Variants in PVALEF observed in about 807,000 individuals in gnomAD.
PVALEF encodes parvalbumin-like EF-hand-containing protein.
In PVALEF, 2 loss-of-function variants were observed where a neutral mutation model predicts 1.2. The observed-to-expected ratio is 1.68, with a 90% confidence interval of 0.69 to 5.28. The LOEUF is 5.28. Ranked by LOEUF, PVALEF falls within the 30% of genes most tolerant of loss-of-function variation. The pLI is 0.06. For missense variants in PVALEF, 35 were observed against 17.7 expected, an observed-to-expected ratio of 1.97 and a Z score of -1.75; for synonymous variants, 16 against 6.5, an observed-to-expected ratio of 2.47 and a Z score of -2.24.
chr17:81,179,860 G>T (rs2061547771), intron 3 of PVALEF, among the ~76,000 whole-genome samples: 1 of 152,168 alleles, frequency 6.6e-6, no homozygotes, highest in Admixed American at 6.5e-5. Context: ...GAGGCTCCAG[G>T]ATCTCTAGCT....
In PVALEF at chr17:81,165,575, C is replaced by T. The variant is rs984475678; in HGVS notation, c.-680C>T. 1.3e-5 allele frequency: 16 copies of T among 1,263,262 alleles called. No individual in the cohort carries two copies. The African/African-American group carries it at 1.8e-4, about 14-fold the overall frequency. The allele number at this position is 1,263,262 out of a possible 1,614,324, so 78.3% of individuals were successfully genotyped here. On this transcript the variant is annotated 5_prime_UTR_variant, in exon 1 of 7. Coordinates refer to ENST00000637878, the MANE Select transcript of PVALEF (RefSeq NM_001354639.2). ...CGGACCCAGGAGAGGCCATGGAAAG[C>T]CTGAACCCCAGCTGGCTGACACCCC... is the stretch of plus-strand genomic sequence containing the variant.
In PVALEF at chr17:81,182,060, G is replaced by A. The variant is rs2061556309; in HGVS notation, c.337G>A (p.Asp113Asn). 2.5e-6 allele frequency: 1 copy of A among 398,652 alleles called. No individual in the cohort carries two copies. The highest frequency in any genetic ancestry group is 1.3e-4 in the South Asian group (1 of 7,868). 24.7% of individuals were successfully genotyped at this position (398,652 alleles called of 1,614,324 possible). Residue 113 changes from aspartate (D) to asparagine (N), a missense_variant, in exon 6 of 7, where the codon GAC becomes AAC. Transcript: ENST00000637878. Reference protein sequence around the residue: ...AMIQAADTHGDGRINYEEFSE... With the variant: ...AMIQAADTHGNGRINYEEFSE... ...GATCCAGGCGGCAGACACACACGGG[G>A]ACGGGAGGATCAACTACGAAGGTGG...
In PVALEF at chr17:81,179,171, G is replaced by C. The variant is rs747824832; in HGVS notation, c.-105+19G>C. The C allele has an allele frequency of 3.0e-4, 97 of 327,600 alleles. 1 individual carries two copies. Among genetic ancestry groups the C allele is most frequent in the South Asian group, 1.2e-3 (54 of 45,376 alleles). 20.3% of individuals were successfully genotyped at this position (327,600 alleles called of 1,614,324 possible). On this transcript the variant is annotated intron_variant, in intron 3 of 6. Transcript: ENST00000637878. Reference sequence around the variant, plus strand: ...GGCAGAGGTAAGCCCTGCCAAGGAGGGGGGTGTGGGTCTCTGGCCGCTGAG... The same window carrying C: ...GGCAGAGGTAAGCCCTGCCAAGGAGCGGGGTGTGGGTCTCTGGCCGCTGAG...
chr17:81,175,825 TAAAAG>T (rs944641813), intron 2 of PVALEF, among the ~76,000 whole-genome samples: 1 of 152,106 alleles, frequency 6.6e-6, no homozygotes, highest in African/African-American at 2.4e-5. Flanking sequence ...ATGAAACTCT[TAAAAG>T]AAAACAGAGC....
chr17:81,169,988 G>A (rs1267848490), intron 2 of PVALEF, among the ~76,000 whole-genome samples: 1 of 84,730 alleles, frequency 1.2e-5, no homozygotes, highest in Non-Finnish European at 2.8e-5. Flanking sequence ...GTGTGTGCAT[G>A]TGTGTGTGTT....
At position 81,181,256 on chromosome 17, in the gene PVALEF, G is replaced by A. The variant is rs1255805443; in HGVS notation, c.30G>A (p.Lys10=). The part of the protein sequence containing the change: MEEDFSSQM[K]KMALAMGTSL... ...AGGAGGACTTCTCCTCCCAGATGAA[G>A]AAGATGGCCTTGGCCATGGGCACGT... The change falls in exon 4 of 7, where the codon AAG becomes AAA. Residue 10 remains lysine (K), a synonymous_variant. Coordinates refer to ENST00000637878, the MANE Select transcript of PVALEF (RefSeq NM_001354639.2). 2.8e-6 allele frequency: 2 copies of A among 702,592 alleles called. No homozygotes were observed. The highest frequency in any genetic ancestry group is 1.7e-5 in the African/African-American group (1 of 57,256). 43.5% of individuals were successfully genotyped at this position (702,592 alleles called of 1,614,324 possible). A position where few individuals can be genotyped will look rare whatever the true frequency, so the allele number is the denominator to read the frequency against.
intron 1 of PVALEF, chr17:81,166,030 C>G (rs1313502085): frequency 1.4e-5 from 21 of 1,500,504 alleles, no homozygotes; most frequent in Non-Finnish European, 1.9e-5. Flanking sequence ...CGGGAGGGCG[C>G]TGCGCTCAGG....
intron 3 of PVALEF, among the ~76,000 whole-genome samples, chr17:81,180,211 A>C (rs2061549074): frequency 6.6e-6 from 1 of 152,302 alleles, no homozygotes; most frequent in South Asian, 2.1e-4. Context: ...CACCCCCAGC[A>C]CTGGGCAGAT....
chr17:81,174,186 ACAT>A (rs1233494968), intron 2 of PVALEF, among the ~76,000 whole-genome samples: 1 of 152,214 alleles, frequency 6.6e-6, no homozygotes, highest in Non-Finnish European at 1.5e-5. Context: ...CTCACAGCAA[ACAT>A]CATACTCAGT....
At chr17:81,166,121 G>A (rs996599185) in intron 1 of PVALEF, 4 of 415,270 alleles carry the variant, frequency 9.6e-6, no homozygotes, top group Non-Finnish European at 1.3e-5. Flanking sequence ...CGCGCCCCGC[G>A]CCCCCCGCCG....
intron 4 of PVALEF, 112 bp from the exon 5 acceptor site, chr17:81,181,447 C>G: frequency 3.9e-6 from 2 of 516,994 alleles, no homozygotes; most frequent in South Asian, 3.0e-5. Flanking sequence ...CTGCGGCGGG[C>G]GGGGACATGG....
At chr17:81,175,020 CA>C (rs1160228156) in intron 2 of PVALEF, among the ~76,000 whole-genome samples, 6 of 151,440 alleles carry the variant, frequency 4.0e-5, no homozygotes, top group African/African-American at 7.3e-5. Flanking sequence ...AAATATGCCA[CA>C]AAAAAACTGC....
intron 2 of PVALEF, among the ~76,000 whole-genome samples, chr17:81,172,034 G>A (rs2061522419): frequency 6.6e-6 from 1 of 152,164 alleles, no homozygotes; most frequent in Non-Finnish European, 1.5e-5. Flanking sequence ...CATAAAAATG[G>A]AATCACATGG....
At chr17:81,180,588 T>TGAAGGGGC (rs997544308) in intron 3 of PVALEF, among the ~76,000 whole-genome samples, 3 of 152,072 alleles carry the variant, frequency 2.0e-5, no homozygotes, top group Non-Finnish European at 2.9e-5. Flanking sequence ...CACAACCCTG[T>TGAAGGGGC]GAAGGGGCAG....
In PVALEF at chr17:81,169,577, A is replaced by G. The variant is rs939750978; in HGVS notation, c.-340+2733A>G. Among the ~76,000 whole-genome samples the G allele has an allele frequency of 8.5e-5, 13 of 152,298 alleles. No individual in the cohort carries two copies. The East Asian group carries it at 2.5e-3, about 29-fold the overall frequency. On this transcript the variant is annotated intron_variant, in intron 2 of 6. Transcript: ENST00000637878. ...GGCGCCACTGCACATATGTCTGTGCATATGTGTAGATGTGTGTGTGTGGGC... is the reference window on the plus strand; with the variant it reads ...GGCGCCACTGCACATATGTCTGTGCGTATGTGTAGATGTGTGTGTGTGGGC...
chr17:81,168,995 A>G (rs995202408), intron 2 of PVALEF, among the ~76,000 whole-genome samples: 9 of 152,252 alleles, frequency 5.9e-5, no homozygotes, highest in African/African-American at 2.2e-4. Context: ...ACATGCTACC[A>G]CATGGATGAC....
At chr17:81,174,627 C>T (rs1169381552) in intron 2 of PVALEF, among the ~76,000 whole-genome samples, 1 of 143,728 alleles carries the variant, frequency 7.0e-6, no homozygotes, top group African/African-American at 2.7e-5. Context: ...AAGACTCCAC[C>T]TCAAAAAAAA....
chr17:81,181,717 G>T (rs1040506396), intron 5 of PVALEF, 23 bp downstream of exon 5: 5 of 400,100 alleles, frequency 1.2e-5, no homozygotes, highest in African/African-American at 1.0e-4. Context: ...GGCCACGGAG[G>T]GGTGGGGCCC....
In PVALEF at chr17:81,178,977, AGTGCCTGCGAGCCCCTGGGAGCTGCCC is replaced by A. The variant is rs1169026962; in HGVS notation, c.-274_-248del. 1 of 419,418 alleles carries A rather than the reference AGTGCCTGCGAGCCCCTGGGAGCTGCCC, an allele frequency of 2.4e-6. No individual in the cohort carries two copies. Among genetic ancestry groups the A allele is most frequent in the Non-Finnish European group, 4.8e-6 (1 of 206,288 alleles). 26.0% of individuals were successfully genotyped at this position (419,418 alleles called of 1,614,324 possible). On this transcript the variant is annotated 5_prime_UTR_variant, in exon 3 of 7. Coordinates refer to ENST00000637878, the MANE Select transcript of PVALEF (RefSeq NM_001354639.2). Reference sequence around the variant, plus strand: ...TGCCCAGACCAGTGTGGACACACCAAGTGCCTGCGAGCCCCTGGGAGCTGCCCGTGCCAGGCTGGAGTGCCGGGGAGG... The same window carrying A: ...TGCCCAGACCAGTGTGGACACACCAAGTGCCAGGCTGGAGTGCCGGGGAGG...
Sources: allele counts gnomAD v4.1 joint callset (sites outside exome capture counted in the v4.1 genomes callset), GRCh38; gene constraint gnomAD v4.1.1; transcripts MANE v1.5; gene names NCBI Gene and HGNC (gene_info 2026-07-23, HGNC 2026-07-21).